Variants in TESK2 observed in about 807,000 individuals in gnomAD.
The protein encoded by TESK2 is dual specificity testis-specific protein kinase 2.
A neutral mutation model predicts 57.1 loss-of-function variants in TESK2; 39 were observed. The observed-to-expected ratio is 0.68, with a 90% CI of 0.53 to 0.89. The LOEUF (loss-of-function observed/expected upper bound fraction) is 0.89, where lower values mean the gene tolerates loss of function less well. Among genes scored for constraint, TESK2 ranks in the 40% least tolerant of loss-of-function variants. TESK2 has a pLI of 0.00. For missense variants in TESK2, 646 were observed against 732.1 expected (o/e 0.88, Z 1.36); for synonymous variants, 249 against 267.9 (o/e 0.93, Z 0.69).
chr1:45,396,491 ACT>A (rs942986685), intron 3 of TESK2, among the ~76,000 whole-genome samples: 4 of 149,946 alleles, frequency 2.7e-5, no homozygotes, highest in Non-Finnish European at 4.4e-5. Context: ...GTATGAGATA[ACT>A]CTTTTTTTTT....
At chr1:45,412,493 A>C (rs990157614) in intron 3 of TESK2, among the ~76,000 whole-genome samples, 1 of 152,218 alleles carries the variant, frequency 6.6e-6, no homozygotes, top group African/African-American at 2.4e-5. Context: ...AGCTAATGCT[A>C]GTCTATTTCC....
At chr1:45,417,696 A>G (rs1175766719) in intron 3 of TESK2, among the ~76,000 whole-genome samples, 1 of 151,172 alleles carries the variant, frequency 6.6e-6, no homozygotes, top group Non-Finnish European at 1.5e-5. Flanking sequence ...GGTTCACGCC[A>G]TTCTCCTGTC....
intron 2 of TESK2, among the ~76,000 whole-genome samples, chr1:45,431,431 A>G (rs114209489): frequency 6.4e-4 from 98 of 152,254 alleles, no homozygotes; most frequent in African/African-American, 1.9e-3. Flanking sequence ...GAAAAAAAAA[A>G]AGATGCAAGT....
chr1:45,405,965 G>A (rs1183134401), intron 3 of TESK2, among the ~76,000 whole-genome samples: 1 of 152,136 alleles, frequency 6.6e-6, no homozygotes, highest in Non-Finnish European at 1.5e-5. Context: ...GCTCACACCT[G>A]CAATCCCAGT....
chr1:45,429,425 T>A (rs1650858533), intron 2 of TESK2, among the ~76,000 whole-genome samples: 1 of 152,038 alleles, frequency 6.6e-6, no homozygotes. Flanking sequence ...ATTTTTTTTT[T>A]AAACCTGAAA....
chr1:45,424,405 C>T (rs1650603329), intron 2 of TESK2, among the ~76,000 whole-genome samples: 1 of 152,212 alleles, frequency 6.6e-6, no homozygotes. Flanking sequence ...GCTGCCTCTC[C>T]TCTCCTAGAT....
rs113148043 is a variant in TESK2 at position 45,395,595 on chromosome 1, T to C, written c.345-9635A>G. Among the ~76,000 whole-genome samples the C allele has an allele frequency of 5.5e-3, 756 of 137,896 alleles. 8 individuals carry two copies. The highest frequency in any genetic ancestry group is 0.025 in the African/African-American group (715 of 28,564). 90.5% of individuals were successfully genotyped at this position (137,896 alleles called of 152,430 possible). On this transcript the variant is annotated intron_variant, in intron 3 of 10. Coordinates refer to ENST00000372086, the MANE Select transcript of TESK2 (RefSeq NM_007170.3). ...CAAGGCAGCCATTTACACTCCTTTC[T>C]TTTCTTTTCTTTTCTTTTTTTTTTT...
intron 2 of TESK2, among the ~76,000 whole-genome samples, chr1:45,456,125 T>G (rs928551580): frequency 3.4e-4 from 51 of 151,364 alleles, no homozygotes; most frequent in African/African-American, 1.0e-3. Flanking sequence ...TCCAGGGAGG[T>G]CAAGACTGCA....
chr1:45,360,600 T>TA (rs112407805), intron 4 of TESK2, among the ~76,000 whole-genome samples: 41,349 of 152,034 alleles, frequency 0.27, 5,920 homozygotes, highest in Admixed American at 0.4. Context: ...ACTTGGCTAA[T>TA]AGATTCTGGC....
intron 3 of TESK2, among the ~76,000 whole-genome samples, chr1:45,409,934 G>A (rs1043628872): frequency 1.1e-4 from 16 of 152,114 alleles, no homozygotes; most frequent in African/African-American, 3.4e-4. Flanking sequence ...GGAGGCCAAC[G>A]GGGGCAGATC....
At chr1:45,371,816 C>T (rs1320671465) in intron 4 of TESK2, among the ~76,000 whole-genome samples, 1 of 151,868 alleles carries the variant, frequency 6.6e-6, no homozygotes, top group East Asian at 1.9e-4. Flanking sequence ...TGCAGGCAGC[C>T]GAGATTACAC....
intron 1 of TESK2, among the ~76,000 whole-genome samples, chr1:45,477,896 T>A (rs1275084626): frequency 6.6e-6 from 1 of 152,204 alleles, no homozygotes; most frequent in Non-Finnish European, 1.5e-5. Context: ...TCAGCTTATA[T>A]GATGTTCATG....
Position 45,344,595 on chromosome 1 carries a change from G to A in TESK2, c.*245C>T. 2 of 515,086 alleles carry A rather than the reference G, an allele frequency of 3.9e-6. No homozygotes were observed. The highest frequency in any genetic ancestry group is 7.0e-6 in the Non-Finnish European group (2 of 286,698). 31.9% of individuals were successfully genotyped at this position (515,086 alleles called of 1,614,324 possible). On this transcript the variant is annotated 3_prime_UTR_variant, in exon 11 of 11. Coordinates refer to ENST00000372086, the MANE Select transcript of TESK2 (RefSeq NM_007170.3). Reference sequence around the variant, plus strand: ...AAGTACACTGGAGAGGGTCTGGTGGGAGGCAGACCTCCTTGCTGGATTTCA... The same window carrying A: ...AAGTACACTGGAGAGGGTCTGGTGGAAGGCAGACCTCCTTGCTGGATTTCA...
chr1:45,483,668 T>C (rs2149308840), intron 1 of TESK2, among the ~76,000 whole-genome samples: 1 of 151,682 alleles, frequency 6.6e-6, no homozygotes, highest in East Asian at 1.9e-4. Context: ...AGTAGTTAAG[T>C]TTTGCCGCGA....
At chr1:45,440,678 T>C (rs750967008) in intron 2 of TESK2, among the ~76,000 whole-genome samples, 1 of 151,476 alleles carries the variant, frequency 6.6e-6, no homozygotes, top group Admixed American at 6.6e-5. Context: ...ATCGCACTAC[T>C]GTACTCCAGC....
intron 10 of TESK2, among the ~76,000 whole-genome samples, 158 bp downstream of exon 10, chr1:45,345,719 C>T (rs902234249): frequency 1.3e-5 from 2 of 152,198 alleles, no homozygotes; most frequent in African/African-American, 4.8e-5. Flanking sequence ...TGCCAAGCCA[C>T]AGCTCTTAAA....
chr1:45,456,837 C>A (rs1387714410), intron 2 of TESK2, among the ~76,000 whole-genome samples: 1 of 152,110 alleles, frequency 6.6e-6, no homozygotes, highest in African/African-American at 2.4e-5. Context: ...CAGAAGTTCT[C>A]TTCTGCTTGC....
At chr1:45,463,114 C>A (rs559185971) in intron 1 of TESK2, among the ~76,000 whole-genome samples, 1 of 152,046 alleles carries the variant, frequency 6.6e-6, no homozygotes, top group South Asian at 2.1e-4. Context: ...GTCTGAACTC[C>A]TTATATTTTC....
At chr1:45,411,527 G>A (rs984270792) in intron 3 of TESK2, among the ~76,000 whole-genome samples, 11 of 152,232 alleles carry the variant, frequency 7.2e-5, no homozygotes, top group African/African-American at 2.6e-4. Flanking sequence ...TTGCTCACCT[G>A]TTCACCTCCT....
Sources: allele counts gnomAD v4.1 joint callset (sites outside exome capture counted in the v4.1 genomes callset), GRCh38; gene constraint gnomAD v4.1.1; transcripts MANE v1.5; gene names NCBI Gene and HGNC (gene_info 2026-07-23, HGNC 2026-07-21).